The following ZDHHC15 variants were observed in gnomAD, a reference collection of about 807,000 sequenced individuals.
ZDHHC15 encodes the protein zDHHC palmitoyltransferase 15.
A neutral mutation model predicts 31.7 loss-of-function variants in ZDHHC15; 19 were observed. That is an observed-to-expected ratio of 0.60 (90% confidence interval 0.42 to 0.88). ZDHHC15 has a LOEUF of 0.88. Among genes scored for constraint, ZDHHC15 ranks in the 40% least tolerant of loss-of-function variants. ZDHHC15 has a pLI of 0.00. For synonymous variants in ZDHHC15, 103 were observed against 90.0 expected, an observed-to-expected ratio of 1.14 and a Z score of -0.82; for missense variants, 209 against 251.2, an observed-to-expected ratio of 0.83 and a Z score of 1.14.
chrX:75,514,804 G>A lies in ZDHHC15; in HGVS notation c.136+8085C>T, dbSNP rs759643851. Among the ~76,000 whole-genome samples, 25 of 111,596 alleles carry A rather than the reference G, an allele frequency of 2.2e-4. 1 individual carries two copies. Among genetic ancestry groups the A allele is most frequent in the African/African-American group, 5.9e-4 (18 of 30,736 alleles). On this transcript the variant is annotated intron_variant, in intron 1 of 11. Coordinates refer to ENST00000373367, the MANE Select transcript of ZDHHC15 (RefSeq NM_144969.3). ...TTGCTCACTGCTAGTACAGCAGTCC[G>A]AGATAGAATTGTGAGGCAGCAGCAA...
In ZDHHC15 at chrX:75,384,231, T is replaced by C. The variant is rs916783904; in HGVS notation, c.968-5033A>G. The stretch of plus-strand genomic sequence containing the variant: ...TATGTAATCAAAAGTATACAACTCA[T>C]GTGAAGAATACACTGGTAAAATGTT... On this transcript the variant is annotated intron_variant, in intron 10 of 11. Coordinates refer to ENST00000373367, the MANE Select transcript of ZDHHC15 (RefSeq NM_144969.3). 3 of 473,434 alleles carry C rather than the reference T, an allele frequency of 6.3e-6. No homozygotes were observed. In the African/African-American group the frequency reaches 7.2e-5, roughly 11 times the overall value. 39.0% of individuals were successfully genotyped at this position (473,434 alleles called of 1,213,427 possible).
intron 10 of ZDHHC15, among the ~76,000 whole-genome samples, chrX:75,405,099 C>A (rs997496066): frequency 1.8e-5 from 2 of 111,865 alleles, no homozygotes; most frequent in Admixed American, 9.4e-5. Context: ...GAGCTGGAGG[C>A]TATCATCCTT....
rs770994066 is a variant in ZDHHC15, at chrX:75,500,264, T to C, written c.163+5557A>G. The stretch of plus-strand genomic sequence containing the variant: ...AACACCACCTGCTCCCCCAAAACTA[T>C]TGAAATAATAATAATAATAATAATA... On this transcript the variant is annotated intron_variant, in intron 2 of 11. Coordinates refer to ENST00000373367, the MANE Select transcript of ZDHHC15 (RefSeq NM_144969.3). 4.6e-5 allele frequency among the ~76,000 whole-genome samples: 5 copies of C among 108,439 alleles called. No homozygotes were observed. In the South Asian group the frequency reaches 1.2e-3, roughly 26 times the overall value. The allele number at this position is 108,439 out of a possible 115,157, so 94.2% of individuals were successfully genotyped here.
intron 4 of ZDHHC15, among the ~76,000 whole-genome samples, chrX:75,446,449 T>C (rs1346140738): frequency 2.7e-5 from 3 of 111,940 alleles, no homozygotes; most frequent in African/African-American, 6.5e-5. Flanking sequence ...ACTAACACTG[T>C]GAGAAATACA....
rs370148596 is a variant in ZDHHC15, at chrX:75,444,909, C to A, written c.379+5893G>T. On this transcript the variant is annotated intron_variant, in intron 4 of 11. Coordinates refer to ENST00000373367, the MANE Select transcript of ZDHHC15 (RefSeq NM_144969.3). ...ACTTACGTGATCAGGGTTCCTGGTTCTCAGAACTTTAGACTCAAACTGGAA... is the reference window on the plus strand; with the variant it reads ...ACTTACGTGATCAGGGTTCCTGGTTATCAGAACTTTAGACTCAAACTGGAA... 1.1e-4 allele frequency among the ~76,000 whole-genome samples: 12 copies of A among 108,283 alleles called. No individual in the cohort carries two copies. In the East Asian group the frequency reaches 2.0e-3, roughly 18 times the overall value. 94.0% of individuals were successfully genotyped at this position (108,283 alleles called of 115,157 possible). A position where few individuals can be genotyped will look rare whatever the true frequency, so the allele number is the denominator to read the frequency against.
intron 4 of ZDHHC15, among the ~76,000 whole-genome samples, chrX:75,432,281 T>G (rs1012060669): frequency 9.0e-6 from 1 of 111,718 alleles, no homozygotes; most frequent in Non-Finnish European, 1.9e-5. Context: ...TAGATGTTCA[T>G]TGATAGAGTA....
intron 3 of ZDHHC15, among the ~76,000 whole-genome samples, chrX:75,462,079 A>C (rs2084325436): frequency 8.9e-6 from 1 of 112,185 alleles, no homozygotes; most frequent in African/African-American, 3.2e-5. Flanking sequence ...AAAGGGATGG[A>C]GGAAAATTTA....
chrX:75,435,584 G>A (rs190917571), intron 4 of ZDHHC15, among the ~76,000 whole-genome samples: 78 of 111,840 alleles, frequency 7.0e-4, no homozygotes, highest in African/African-American at 2.3e-3. Flanking sequence ...TTTTTTCTGC[G>A]TCTATTGAGA....
intron 10 of ZDHHC15, chrX:75,384,928 C>T: frequency 2.2e-6 from 1 of 451,298 alleles, no homozygotes; most frequent in Non-Finnish European, 3.9e-6. Context: ...GCACTATCTA[C>T]TATCGCCAAT....
chrX:75,464,175 T>C (rs1348481920), intron 3 of ZDHHC15, among the ~76,000 whole-genome samples: 1 of 111,102 alleles, frequency 9.0e-6, no homozygotes, highest in Non-Finnish European at 1.9e-5. Context: ...CTCGGCAAAC[T>C]GTCACAAGGA....
At chrX:75,393,989 C>T (rs1222371552) in intron 10 of ZDHHC15, among the ~76,000 whole-genome samples, 3 of 111,023 alleles carry the variant, frequency 2.7e-5, no homozygotes, top group African/African-American at 9.8e-5. Flanking sequence ...TCTAGCTGTG[C>T]TGGCAGCTGA....
intron 4 of ZDHHC15, among the ~76,000 whole-genome samples, chrX:75,446,458 C>T: frequency 8.9e-6 from 1 of 111,807 alleles, no homozygotes. Flanking sequence ...GTGAGAAATA[C>T]ATTTGTAAAG....
Position 75,478,873 on chromosome X carries a change from A to T in ZDHHC15, c.258+18T>A. On this transcript the variant is annotated intron_variant, in intron 3 of 11. Coordinates refer to ENST00000373367, the MANE Select transcript of ZDHHC15 (RefSeq NM_144969.3). ...TTTTTTCTGTTCTTATCCTTTAAGAAGTAACCAATATTCTTACCTTCTGGT... is the reference window on the plus strand; with the variant it reads ...TTTTTTCTGTTCTTATCCTTTAAGATGTAACCAATATTCTTACCTTCTGGT... 5 of 1,143,106 alleles carry T rather than the reference A, an allele frequency of 4.4e-6. No individual in the cohort carries two copies. The highest frequency in any genetic ancestry group is 6.0e-6 in the Non-Finnish European group (5 of 839,206). 94.2% of individuals were successfully genotyped at this position (1,143,106 alleles called of 1,213,427 possible).
chrX:75,379,430 A>G (rs1360717602), intron 10 of ZDHHC15, among the ~76,000 whole-genome samples: 1 of 112,375 alleles, frequency 8.9e-6, no homozygotes, highest in Admixed American at 9.4e-5. Flanking sequence ...TCTGATCTAT[A>G]ATACTGGCTG....
chrX:75,453,118 C>T (rs1035289939), intron 3 of ZDHHC15, among the ~76,000 whole-genome samples: 1 of 110,883 alleles, frequency 9.0e-6, no homozygotes, highest in Non-Finnish European at 1.9e-5. Flanking sequence ...AAAAGATCAA[C>T]AAAAGTGATA....
chrX:75,419,330 C>A (rs1408275757), intron 9 of ZDHHC15, among the ~76,000 whole-genome samples: 2 of 111,941 alleles, frequency 1.8e-5, no homozygotes, highest in South Asian at 7.4e-4. Context: ...ATTTATACAG[C>A]CAAAAGACAC....
In ZDHHC15 at chrX:75,421,433, A is replaced by ATT. The variant is rs1405064473; in HGVS notation, c.863+430_863+431insAA. Among the ~76,000 whole-genome samples the ATT allele has an allele frequency of 4.2e-3, 266 of 62,673 alleles. 5 individuals are homozygous for ATT. The highest frequency in any genetic ancestry group is 6.1e-3 in the Non-Finnish European group (235 of 38,342). 54.4% of individuals were successfully genotyped at this position (62,673 alleles called of 115,157 possible). A position where few individuals can be genotyped will look rare whatever the true frequency, so the allele number is the denominator to read the frequency against. ...TATAATATATATATAATATATATAT[A>ATT]ATATATATTATATATATATATTCCC... On this transcript the variant is annotated intron_variant, in intron 9 of 11. Coordinates refer to ENST00000373367, the MANE Select transcript of ZDHHC15 (RefSeq NM_144969.3).
At chrX:75,505,024 T>C (rs973558577) in intron 2 of ZDHHC15, among the ~76,000 whole-genome samples, 2 of 111,579 alleles carry the variant, frequency 1.8e-5, no homozygotes, top group African/African-American at 6.5e-5. Context: ...GAGCCAGGAT[T>C]TGAATTCAGA....
intron 3 of ZDHHC15, among the ~76,000 whole-genome samples, chrX:75,475,085 A>G (rs2084580483): frequency 8.9e-6 from 1 of 111,770 alleles, no homozygotes; most frequent in Non-Finnish European, 1.9e-5. Context: ...AAATAAAAAT[A>G]AATAAAAAAA....
Sources: allele counts gnomAD v4.1 joint callset (sites outside exome capture counted in the v4.1 genomes callset), GRCh38; gene constraint gnomAD v4.1.1; transcripts MANE v1.5; gene names NCBI Gene and HGNC (gene_info 2026-07-23, HGNC 2026-07-21).